Variants in TMTC4 observed in about 807,000 individuals in gnomAD.
TMTC4 encodes transmembrane O-mannosyltransferase targeting cadherins 4.
A neutral mutation model predicts 86.0 loss-of-function variants in TMTC4; 65 were observed. That is an observed-to-expected ratio of 0.76 (90% CI 0.62 to 0.93). The LOEUF (loss-of-function observed/expected upper bound fraction) is 0.93, where lower values mean the gene tolerates loss of function less well. TMTC4 is among the 40% of genes least tolerant of loss of function. TMTC4 has a pLI of 0.00. For synonymous variants in TMTC4, 379 were observed against 382.5 expected (o/e 0.99, Z 0.11); for missense variants, 866 against 948.1 (o/e 0.91, Z 1.14).
chr13:100,634,670 T>C (rs1890861), intron 12 of TMTC4, 135 bp downstream of exon 12: 1,013,186 of 1,140,924 alleles, frequency 0.89, 451,771 homozygotes, highest in East Asian at 0.99. Flanking sequence ...AAACCATACA[T>C]AACAAAGAAA....
chr13:100,633,376 C>T (rs1368351550), intron 12 of TMTC4, among the ~76,000 whole-genome samples: 4 of 149,334 alleles, frequency 2.7e-5, no homozygotes, highest in Non-Finnish European at 5.9e-5. Context: ...TGCTGGCCAC[C>T]GTGTGAGGGC....
chr13:100,657,639 T>C (rs979178929), intron 5 of TMTC4, among the ~76,000 whole-genome samples: 2 of 152,242 alleles, frequency 1.3e-5, no homozygotes, highest in East Asian at 3.9e-4. Context: ...TCTGCTGTGA[T>C]TGTCCAGGTA....
chr13:100,671,171 A>G (rs1357759987), intron 1 of TMTC4, among the ~76,000 whole-genome samples: 1 of 152,142 alleles, frequency 6.6e-6, no homozygotes, highest in East Asian at 1.9e-4. Flanking sequence ...TGGCTCATGC[A>G]ATATATTTTT....
rs1361924347 is a variant in TMTC4, at chr13:100,656,451, G to A, written c.570C>T (p.Gly190=). 6.2e-7 allele frequency: 1 copy of A among 1,607,756 alleles called. No homozygotes were observed. Among genetic ancestry groups the A allele is most frequent in the Non-Finnish European group, 8.5e-7 (1 of 1,176,878 alleles). The change falls in exon 6 of 19, where the codon GGC becomes GGT. Residue 190 remains glycine (G), a synonymous_variant. Coordinates refer to ENST00000342624, the MANE Select transcript of TMTC4 (RefSeq NM_032813.5). ...VHTECVAGVV[G]RADLLCALFF... ...ACAGGGCACACAGGAGGTCTGCACG[G>A]CCGACAACACCAGCAACCTTAAAAA...
At chr13:100,640,840 A>G (rs1025870555) in intron 7 of TMTC4, among the ~76,000 whole-genome samples, 2 of 151,958 alleles carry the variant, frequency 1.3e-5, no homozygotes, top group South Asian at 2.1e-4. Context: ...AAAAAATTCC[A>G]TATCTTTCCA....
Position 100,625,773 on chromosome 13 carries a change from A to G in TMTC4, c.1694+12T>C. ...TCTTTGTCACTAGCATAATTATAAA[A>G]ACAATGCTTACTGTATTTGAACAGC... On this transcript the variant is annotated intron_variant, in intron 14 of 18. Transcript: ENST00000342624. 6.2e-7 allele frequency: 1 copy of G among 1,611,698 alleles called. No individual in the cohort carries two copies. Among genetic ancestry groups the G allele is most frequent in the Non-Finnish European group, 8.5e-7 (1 of 1,179,550 alleles).
intron 6 of TMTC4, 92 bp downstream of exon 6, chr13:100,656,289 T>C: frequency 3.6e-6 from 4 of 1,098,664 alleles, no homozygotes; most frequent in South Asian, 1.5e-5. Flanking sequence ...CACACTCACA[T>C]AGATGGATTC....
chr13:100,674,421 G>T (rs1394666805), intron 1 of TMTC4: 1 of 911,816 alleles, frequency 1.1e-6, no homozygotes, highest in Non-Finnish European at 1.3e-6. Context: ...GCGCCGGCGC[G>T]GCTGTGCAGG....
intron 3 of TMTC4, among the ~76,000 whole-genome samples, chr13:100,666,702 A>T (rs1295654445): frequency 6.6e-6 from 1 of 152,228 alleles, no homozygotes; most frequent in African/African-American, 2.4e-5. Context: ...CCATTAAGCC[A>T]CCAATCCGTG....
At chr13:100,668,431 T>C (rs1191163176) in intron 3 of TMTC4, 148 bp downstream of exon 3, 4 of 793,082 alleles carry the variant, frequency 5.0e-6, no homozygotes, top group Non-Finnish European at 8.0e-6. Context: ...GGAGGCGATG[T>C]TGAAAAGAGA....
chr13:100,644,229 G>A (rs1158041007), intron 6 of TMTC4, among the ~76,000 whole-genome samples: 1 of 151,124 alleles, frequency 6.6e-6, no homozygotes, highest in Non-Finnish European at 1.5e-5. Context: ...TCAGGCTCCC[G>A]AGTAGCTGGG....
chr13:100,674,287 GC>G (rs1262625306), intron 1 of TMTC4: 1 of 979,260 alleles, frequency 1.0e-6, no homozygotes, highest in African/African-American at 1.8e-5. Context: ...AGGCGGCCAA[GC>G]GGCCCGGCTG....
chr13:100,661,008 A>G (rs1286178404), intron 5 of TMTC4, among the ~76,000 whole-genome samples: 1 of 152,212 alleles, frequency 6.6e-6, no homozygotes, highest in Non-Finnish European at 1.5e-5. Flanking sequence ...TGCAGACAGA[A>G]GGAAACTGAA....
intron 12 of TMTC4, among the ~76,000 whole-genome samples, chr13:100,633,858 T>G (rs1417734332): frequency 6.6e-6 from 1 of 152,152 alleles, no homozygotes; most frequent in African/African-American, 2.4e-5. Flanking sequence ...GTAAAAATAT[T>G]GGTCGGGTGC....
chr13:100,664,145 G>A (rs980197906), intron 4 of TMTC4, 76 bp downstream of exon 4: 1 of 1,284,826 alleles, frequency 7.8e-7, no homozygotes, highest in Middle Eastern at 1.9e-4. Context: ...CTGAGAACCT[G>A]GTGACACACA....
chr13:100,637,928 A>G lies in TMTC4; in HGVS notation c.834+2T>C. 1 of 1,607,458 alleles carries G rather than the reference A, an allele frequency of 6.2e-7. No homozygotes were observed. Among genetic ancestry groups the G allele is most frequent in the African/African-American group, 1.3e-5 (1 of 74,858 alleles). On this transcript the variant is annotated splice_donor_variant, in intron 8 of 18. Transcript: ENST00000342624. LOFTEE classifies it high-confidence loss of function. ...GGGCTGGAGATAAAAGTACAGACTC[A>G]CCTCTAATGACTTGTCCTTATGTAG...
intron 17 of TMTC4, among the ~76,000 whole-genome samples, chr13:100,606,742 G>C (rs913925432): frequency 3.9e-5 from 6 of 152,172 alleles, no homozygotes; most frequent in Admixed American, 3.9e-4. Context: ...GACGACAGGA[G>C]GCCCAGGGAA....
intron 15 of TMTC4, among the ~76,000 whole-genome samples, chr13:100,615,447 C>T (rs749787895): frequency 4.4e-5 from 6 of 136,652 alleles, no homozygotes; most frequent in Non-Finnish European, 6.3e-5. Context: ...GGCGTATGTA[C>T]GTATTTAGAA....
chr13:100,650,958 C>T (rs1423262188), intron 6 of TMTC4, among the ~76,000 whole-genome samples: 1 of 152,198 alleles, frequency 6.6e-6, no homozygotes, highest in Non-Finnish European at 1.5e-5. Context: ...AACTATACAG[C>T]TTAAGGTGAA....
Sources: allele counts gnomAD v4.1 joint callset (sites outside exome capture counted in the v4.1 genomes callset), GRCh38; gene constraint gnomAD v4.1.1; transcripts MANE v1.5; gene names NCBI Gene and HGNC (gene_info 2026-07-23, HGNC 2026-07-21).